LRP1B: variants seen among roughly 807,000 people sequenced by gnomAD.
LRP1B encodes low-density lipoprotein receptor-related protein 1B.
Under a neutral mutation model 556.6 loss-of-function variants are expected in LRP1B, and 217 were observed. That is an observed-to-expected ratio of 0.39 (90% confidence interval 0.35 to 0.44). The LOEUF (loss-of-function observed/expected upper bound fraction) is 0.44, where lower values mean the gene tolerates loss of function less well. LRP1B is among the 20% of genes least tolerant of loss of function. LRP1B has a pLI of 1.00. For missense variants in LRP1B, 5,053 were observed against 5,620.8 expected, an observed-to-expected ratio of 0.90 and a Z score of 3.23; for synonymous variants, 2,047 against 1,865.8, an observed-to-expected ratio of 1.10 and a Z score of -2.50.
chr2:142,053,730 T>C (rs1325249167), intron 1 of LRP1B, among the ~76,000 whole-genome samples: 4 of 152,142 alleles, frequency 2.6e-5, no homozygotes, highest in Non-Finnish European at 5.9e-5. Flanking sequence ...TGGCCACTAA[T>C]TAATTCCAAA....
intron 1 of LRP1B, among the ~76,000 whole-genome samples, chr2:142,026,925 C>T (rs1243482932): frequency 1.3e-5 from 2 of 151,954 alleles, no homozygotes; most frequent in Non-Finnish European, 2.9e-5. Flanking sequence ...TCTCCTATGA[C>T]AAGGAAAGAG....
At position 141,988,436 on chromosome 2, in the gene LRP1B, TTATTTA is replaced by T. The variant is rs1170053733; in HGVS notation, c.82+142206_82+142211del. ...ATACATATTATAAAAGTGAGCCCAC[TTATTTA>T]TATTTATGAGTAACATTTCTTAATC... On this transcript the variant is annotated intron_variant, in intron 1 of 90. Coordinates refer to ENST00000389484, the MANE Select transcript of LRP1B (RefSeq NM_018557.3). Among the ~76,000 whole-genome samples, 9 of 152,084 alleles carry T rather than the reference TTATTTA, an allele frequency of 5.9e-5. No homozygotes were observed. The South Asian group carries it at 1.0e-3, about 18-fold the overall frequency.
intron 43 of LRP1B, among the ~76,000 whole-genome samples, chr2:140,575,911 ACT>A (rs1234506273): frequency 6.6e-6 from 1 of 150,630 alleles, no homozygotes; most frequent in Non-Finnish European, 1.5e-5. Context: ...ACAAAGCAAG[ACT>A]CTGTCTCAAA....
chr2:140,483,723 C>T (rs906586031), intron 59 of LRP1B, among the ~76,000 whole-genome samples: 3 of 147,984 alleles, frequency 2.0e-5, no homozygotes, highest in Non-Finnish European at 4.4e-5. Context: ...TCACTGCAAC[C>T]TCTGCCTCCT....
At chr2:140,625,320 T>C (rs1683616896) in intron 41 of LRP1B, among the ~76,000 whole-genome samples, 1 of 152,134 alleles carries the variant, frequency 6.6e-6, no homozygotes, top group Non-Finnish European at 1.5e-5. Flanking sequence ...AACACAATAA[T>C]TTTAAAAAGT....
At chr2:140,377,625 A>G (rs906186579) in intron 68 of LRP1B, among the ~76,000 whole-genome samples, 14 of 152,216 alleles carry the variant, frequency 9.2e-5, no homozygotes, top group African/African-American at 3.4e-4. Context: ...GTTAGCACAA[A>G]CTAAGTTTAT....
At chr2:141,308,946 T>C (rs908137181) in intron 3 of LRP1B, among the ~76,000 whole-genome samples, 1 of 152,188 alleles carries the variant, frequency 6.6e-6, no homozygotes, top group Non-Finnish European at 1.5e-5. Flanking sequence ...TAATATTTGA[T>C]ATTATAATTT....
intron 3 of LRP1B, among the ~76,000 whole-genome samples, chr2:141,461,505 T>C (rs1241580469): frequency 6.6e-6 from 1 of 152,186 alleles, no homozygotes; most frequent in African/African-American, 2.4e-5. Flanking sequence ...CACATATGTT[T>C]AAAATTATCT....
In LRP1B at chr2:141,065,187, G is replaced by C. The variant is rs530610458; in HGVS notation, c.1014-2914C>G. Among the ~76,000 whole-genome samples, 19 of 151,812 alleles carry C rather than the reference G, an allele frequency of 1.3e-4. 1 individual carries two copies. In the South Asian group the frequency reaches 3.9e-3, roughly 31 times the overall value. On this transcript the variant is annotated intron_variant, in intron 7 of 90. Transcript: ENST00000389484. Reference sequence around the variant, plus strand: ...TAGATTCACCAGTTGTTTACATTTCGTTCCGTTGGCTATTTTATATACTCA... The same window carrying C: ...TAGATTCACCAGTTGTTTACATTTCCTTCCGTTGGCTATTTTATATACTCA...
At chr2:141,185,927 A>G (rs1681230016) in intron 7 of LRP1B, among the ~76,000 whole-genome samples, 1 of 151,516 alleles carries the variant, frequency 6.6e-6, no homozygotes, top group African/African-American at 2.4e-5. Flanking sequence ...AAAAATACAA[A>G]AATTAGCCAG....
intron 1 of LRP1B, among the ~76,000 whole-genome samples, chr2:141,895,506 G>A (rs980934505): frequency 7.9e-5 from 12 of 152,136 alleles, no homozygotes; most frequent in Non-Finnish European, 1.3e-4. Context: ...ATATGACTGT[G>A]GGTCAAATTC....
chr2:141,709,714 G>A (rs1255304984), intron 2 of LRP1B, among the ~76,000 whole-genome samples: 1 of 152,176 alleles, frequency 6.6e-6, no homozygotes, highest in African/African-American at 2.4e-5. Flanking sequence ...TGTGGGCAAA[G>A]GGGCTCCAAG....
intron 2 of LRP1B, among the ~76,000 whole-genome samples, chr2:141,734,557 G>A (rs1693395145): frequency 6.6e-6 from 1 of 152,104 alleles, no homozygotes; most frequent in Non-Finnish European, 1.5e-5. Flanking sequence ...ATATGCTCTA[G>A]CCTGGCAATT....
At chr2:140,245,661 T>C (rs888550681) in intron 87 of LRP1B, among the ~76,000 whole-genome samples, 2 of 151,478 alleles carry the variant, frequency 1.3e-5, no homozygotes, top group Admixed American at 6.6e-5. Flanking sequence ...TATAAATTAA[T>C]ATGCCTCCAG....
At chr2:141,219,210 G>C (rs1489183920) in intron 6 of LRP1B, among the ~76,000 whole-genome samples, 5 of 152,184 alleles carry the variant, frequency 3.3e-5, no homozygotes, top group Admixed American at 1.3e-4. Context: ...GAGTTCCTTG[G>C]GGGAGAGGCA....
intron 25 of LRP1B, among the ~76,000 whole-genome samples, chr2:140,878,727 C>T (rs911510522): frequency 6.6e-6 from 1 of 151,952 alleles, no homozygotes; most frequent in Non-Finnish European, 1.5e-5. Context: ...AAATAAGAGG[C>T]CAGGTGTGGT....
intron 7 of LRP1B, among the ~76,000 whole-genome samples, chr2:141,178,408 G>C (rs1231890450): frequency 6.6e-6 from 1 of 152,072 alleles, no homozygotes; most frequent in African/African-American, 2.4e-5. Context: ...TTCTAAATGA[G>C]AGTCTTTTGA....
rs940326307 is a variant in LRP1B, at chr2:140,482,340, T to C, written c.9425+3003A>G. On this transcript the variant is annotated intron_variant, in intron 59 of 90. Coordinates refer to ENST00000389484, the MANE Select transcript of LRP1B (RefSeq NM_018557.3). ...ACTTTAATGTTTATCATAATGGCCT[T>C]TGTTATGATTAACTAAAGTGACACC... Among the ~76,000 whole-genome samples the C allele has an allele frequency of 1.4e-4, 21 of 152,184 alleles. 1 individual carries two copies. Among genetic ancestry groups the C allele is most frequent in the African/African-American group, 5.1e-4 (21 of 41,458 alleles).
chr2:141,472,774 AT>A (rs1287774069), intron 3 of LRP1B, among the ~76,000 whole-genome samples: 1 of 149,554 alleles, frequency 6.7e-6, no homozygotes, highest in African/African-American at 2.4e-5. Flanking sequence ...GCCTTCTGTG[AT>A]CATTTCTAAA....
Sources: gnomAD v4.1 joint callset for allele counts (sites outside exome capture counted in the v4.1 genomes callset) on GRCh38, gnomAD v4.1.1 for gene constraint, MANE v1.5 for transcripts, NCBI Gene and HGNC (gene_info 2026-07-23, HGNC 2026-07-21) for gene names.